Variants in ADGRD2 observed in about 807,000 individuals in gnomAD.
ADGRD2 encodes G protein-coupled receptor PGR24.
A neutral mutation model predicts 44.4 loss-of-function variants in ADGRD2; 71 were observed. That is an observed-to-expected ratio of 1.60 (90% CI 1.32 to 1.95). The LOEUF is 1.95. ADGRD2 is among the 30% of genes most tolerant of loss of function. ADGRD2 has a pLI of 0.00. For synonymous variants in ADGRD2, 481 were observed against 224.8 expected, an observed-to-expected ratio of 2.14 and a Z score of -10.19; for missense variants, 1,039 against 512.4, an observed-to-expected ratio of 2.03 and a Z score of -9.92.
chr9:124,477,168 C>G (rs1174155710), intron 21 of ADGRD2: 1 of 420,704 alleles, frequency 2.4e-6, no homozygotes, highest in Non-Finnish European at 4.9e-6. Flanking sequence ...CTGCGGGTCA[C>G]CAGCTGGACA....
At chr9:124,465,236 C>A (rs1337763736) in intron 10 of ADGRD2, 2 of 153,274 alleles carry the variant, frequency 1.3e-5, no homozygotes, top group Admixed American at 1.3e-4. Flanking sequence ...GCCCCTCAAT[C>A]CACGCTCATG....
In ADGRD2 at chr9:124,453,454, C is replaced by T; in HGVS notation, c.703C>T (p.Gln235Ter). ...GTCCGGCGGCATCCTGGTGCTGGGC[C>T]AGGATCAGGACTCTCTGGGCGGTGG... The change falls in exon 3 of 22, where the codon CAG becomes TAG. Residue 235 changes from glutamine (Q) to a stop codon, truncating the protein, a stop_gained. Coordinates refer to ENST00000334810, the Ensembl canonical transcript of ADGRD2. LOFTEE classifies it high-confidence loss of function. 1 of 685,050 alleles carries T rather than the reference C, an allele frequency of 1.5e-6. No homozygotes were observed. The highest frequency in any genetic ancestry group is 2.7e-6 in the Non-Finnish European group (1 of 374,778). 42.4% of individuals were successfully genotyped at this position (685,050 alleles called of 1,614,324 possible).
chr9:124,453,154 T>C (rs1362802888), exon 3 of ADGRD2: 5 of 700,832 alleles, frequency 7.1e-6, no homozygotes, highest in African/African-American at 7.0e-5. Context: ...GCAGTGGGAC[T>C]GTGCCTCGCC....
intron 10 of ADGRD2, among the ~76,000 whole-genome samples, chr9:124,459,612 G>A (rs1831690106): frequency 6.6e-6 from 1 of 152,034 alleles, no homozygotes. Context: ...CATCTGTACT[G>A]AACATCTATA....
chr9:124,461,636 A>G (rs1831723182), intron 10 of ADGRD2, among the ~76,000 whole-genome samples: 1 of 151,320 alleles, frequency 6.6e-6, no homozygotes, highest in African/African-American at 2.4e-5. Flanking sequence ...CTAGTGATTT[A>G]TATGCCTATC....
intron 11 of ADGRD2, 117 bp downstream of exon 14, chr9:124,466,530 G>C: frequency 1.7e-6 from 1 of 572,288 alleles, no homozygotes. Context: ...ATAGATTGTC[G>C]GGGACAGGGC....
exon 15 of ADGRD2, chr9:124,469,308 A>C: frequency 1.4e-6 from 1 of 718,266 alleles, no homozygotes; most frequent in Non-Finnish European, 2.6e-6. Flanking sequence ...CAATGTGCAC[A>C]CAAATGCCAT....
rs760003107 is a variant in ADGRD2 at position 124,458,117 on chromosome 9, C to A, written c.1647C>A (p.Leu549=). 2.5e-5 allele frequency: 18 copies of A among 718,390 alleles called. No individual in the cohort carries two copies. In the South Asian group the frequency reaches 2.7e-4, roughly 11 times the overall value. 44.5% of individuals were successfully genotyped at this position (718,390 alleles called of 1,614,324 possible). The change falls in exon 9 of 22, where the codon CTC becomes CTA. Residue 549 remains leucine (L), a synonymous_variant. Transcript: ENST00000334810. ...GTGCCCCTTCCTCTCAGCCAGGCCT[C>A]TCTGGAGTCACCGTGATCCACAGCT...
intron 14 of ADGRD2, 133 bp downstream of exon 17, chr9:124,468,805 C>G: frequency 1.6e-6 from 1 of 613,562 alleles, no homozygotes; most frequent in Non-Finnish European, 2.9e-6. Flanking sequence ...TAGCGTCACC[C>G]AGAACCCAGC....
In ADGRD2 at chr9:124,456,989, C is replaced by T. The variant is rs117089306; in HGVS notation, c.1505+256C>T. On this transcript the variant is annotated intron_variant, in intron 7 of 21. Coordinates refer to ENST00000334810, the Ensembl canonical transcript of ADGRD2. ...CTCTCTCCTCCTCTGAGAGACAGTT[C>T]CTCCCGCCTCTGTTACCCCAGAACC... 6.5e-3 allele frequency among the ~76,000 whole-genome samples: 996 copies of T among 152,320 alleles called. 6 individuals are homozygous for T. Among genetic ancestry groups the T allele is most frequent in the Non-Finnish European group, 9.8e-3 (668 of 68,032 alleles).
At chr9:124,451,751 T>C, upstream of ADGRD2, 1 of 292,194 alleles carries the variant, frequency 3.4e-6, no homozygotes, top group Non-Finnish European at 6.6e-6. Context: ...TCAAGGGGAC[T>C]CACAGCTTCA....
chr9:124,467,926 A>T (rs1831859481), intron 12 of ADGRD2, 102 bp downstream of exon 15: 7 of 703,104 alleles, frequency 1.0e-5, no homozygotes, highest in Non-Finnish European at 1.9e-5. Context: ...GTCCCAGCAG[A>T]ACCTTGGTCT....
Position 124,454,853 on chromosome 9 carries a change from A to T in ADGRD2, c.1121A>T (p.Asp374Val). 1.4e-6 allele frequency: 1 copy of T among 700,670 alleles called. No individual in the cohort carries two copies. The highest frequency in any genetic ancestry group is 2.6e-6 in the Non-Finnish European group (1 of 380,202). The allele number at this position is 700,670 out of a possible 1,614,324, so 43.4% of individuals were successfully genotyped here. A position where few individuals can be genotyped will look rare whatever the true frequency, so the allele number is the denominator to read the frequency against. Reference sequence around the variant, plus strand: ...CTCCTCTGTCCACAGCTCCTCCCGGACCCCCTCTCCGAAGTCCATGGGGCC... The same window carrying T: ...CTCCTCTGTCCACAGCTCCTCCCGGTCCCCCTCTCCGAAGTCCATGGGGCC... Residue 374 changes from aspartate to valine, a missense_variant, in exon 6 of 22, where the codon GAC becomes GTC. By Grantham distance (152) the Asp-to-Val change is radical. Transcript: ENST00000334810. The surrounding 1 kb of genome is among the most constrained non-coding windows in gnomAD (Gnocchi z 4.5).
chr9:124,453,095 T>C (rs1293626015), exon 3 of ADGRD2: 2 of 695,466 alleles, frequency 2.9e-6, no homozygotes, highest in Non-Finnish European at 5.2e-6. Flanking sequence ...GCGGCGCGGC[T>C]GCGGAGCCCT....
At chr9:124,464,835 A>G (rs1419135804) in intron 10 of ADGRD2, among the ~76,000 whole-genome samples, 1 of 151,850 alleles carries the variant, frequency 6.6e-6, no homozygotes, top group Non-Finnish European at 1.5e-5. Flanking sequence ...TGTTTTCACA[A>G]GTATGCAGAC....
chr9:124,468,176 G>A, exon 13 of ADGRD2: 1 of 718,432 alleles, frequency 1.4e-6, no homozygotes, highest in East Asian at 2.7e-5. Context: ...CAGCGAGTGG[G>A]CCAAGGCCAA....
intron 6 of ADGRD2, among the ~76,000 whole-genome samples, chr9:124,456,097 G>A (rs1265754755): frequency 6.6e-6 from 1 of 152,230 alleles, no homozygotes; most frequent in Non-Finnish European, 1.5e-5. Flanking sequence ...AGTAGACTGA[G>A]GAAAGCCAGA....
At position 124,454,926 on chromosome 9, in the gene ADGRD2, C is replaced by T. The variant is rs990402238; in HGVS notation, c.1194C>T (p.Val398=). Residue 398 remains valine, a synonymous_variant, in exon 6 of 22, where the codon GTC becomes GTT. Coordinates refer to ENST00000334810, the Ensembl canonical transcript of ADGRD2. This position sits in a 1 kb window ranked among gnomAD's most constrained non-coding sequence, Gnocchi z 4.5. The stretch of plus-strand genomic sequence containing the variant: ...GCTTCCTGGGCCTTCTGGAGCATGT[C>T]CTGGCGATGGAGATGGCTCCCCTGG... 8 of 716,764 alleles carry T rather than the reference C, an allele frequency of 1.1e-5. No homozygotes were observed. The highest frequency in any genetic ancestry group is 1.8e-5 in the Non-Finnish European group (7 of 385,108). The allele number at this position is 716,764 out of a possible 1,614,324, so 44.4% of individuals were successfully genotyped here.
chr9:124,471,936 A>G (rs1485101578), intron 17 of ADGRD2, among the ~76,000 whole-genome samples: 1 of 152,320 alleles, frequency 6.6e-6, no homozygotes, highest in Non-Finnish European at 1.5e-5. Context: ...CCAGGGCTTC[A>G]TGGCTGGGTT....
Sources: allele counts gnomAD v4.1 joint callset (sites outside exome capture counted in the v4.1 genomes callset), GRCh38; gene constraint gnomAD v4.1.1; non-coding constraint Gnocchi (gnomAD v3.1); transcripts MANE v1.5; gene names NCBI Gene and HGNC (gene_info 2026-07-23, HGNC 2026-07-21).